Variants in CCDC148 observed in about 807,000 individuals in gnomAD.
CCDC148 encodes coiled-coil domain containing 148.
CCDC148 carries 89 observed loss-of-function variants against 85.7 expected under a neutral mutation model. The observed-to-expected ratio is 1.04, with a 90% CI of 0.87 to 1.24. CCDC148 has a LOEUF of 1.24. Among genes scored for constraint, CCDC148 ranks in the 50% most tolerant of loss-of-function variants. CCDC148 has a pLI of 0.00. For synonymous variants in CCDC148, 230 were observed against 213.9 expected, an observed-to-expected ratio of 1.08 and a Z score of -0.66; for missense variants, 692 against 671.7, an observed-to-expected ratio of 1.03 and a Z score of -0.33.
intron 10 of CCDC148, among the ~76,000 whole-genome samples, chr2:158,246,805 CT>C (rs1260351448): frequency 1.3e-5 from 2 of 152,188 alleles, no homozygotes; most frequent in Non-Finnish European, 2.9e-5. Context: ...CAGACCAGTG[CT>C]GTGCACTAGC....
intron 1 of CCDC148, among the ~76,000 whole-genome samples, chr2:158,383,962 C>G (rs1355696277): frequency 6.6e-6 from 1 of 152,164 alleles, no homozygotes; most frequent in Non-Finnish European, 1.5e-5. Context: ...GCTACTCAGT[C>G]TTTGACTTTC....
At chr2:158,269,383 G>A (rs999169490) in intron 9 of CCDC148, among the ~76,000 whole-genome samples, 8 of 152,098 alleles carry the variant, frequency 5.3e-5, no homozygotes, top group African/African-American at 1.4e-4. Flanking sequence ...GCAACCAGCT[G>A]CTCATAGGTA....
At position 158,308,936 on chromosome 2, in the gene CCDC148, G is replaced by C. The variant is rs193165364; in HGVS notation, c.1110+497C>G. 2.6e-5 allele frequency among the ~76,000 whole-genome samples: 4 copies of C among 152,298 alleles called. No homozygotes were observed. The East Asian group carries it at 7.7e-4, about 29-fold the overall frequency. ...AGCCCCGCTAGATATTTCTGGGTCT[G>C]AGGAGGAGGAAAACCCCATCCATTC... On this transcript the variant is annotated intron_variant, in intron 9 of 13. Transcript: ENST00000283233.
intron 2 of CCDC148, among the ~76,000 whole-genome samples, chr2:158,351,553 C>T (rs1205446740): frequency 6.6e-6 from 1 of 152,090 alleles, no homozygotes; most frequent in East Asian, 1.9e-4. Context: ...GATTATATCC[C>T]GCACCTGGCT....
chr2:158,438,522 C>A (rs1406476645), intron 1 of CCDC148, among the ~76,000 whole-genome samples: 1 of 152,084 alleles, frequency 6.6e-6, no homozygotes, highest in Non-Finnish European at 1.5e-5. Context: ...CATAAAAACC[C>A]TAGAAGAAAA....
intron 9 of CCDC148, among the ~76,000 whole-genome samples, chr2:158,264,920 T>A (rs1449483935): frequency 6.6e-6 from 1 of 152,160 alleles, no homozygotes; most frequent in Non-Finnish European, 1.5e-5. Context: ...TCATTTGTTT[T>A]ATGTTCAAGA....
intron 1 of CCDC148, among the ~76,000 whole-genome samples, chr2:158,430,664 T>G (rs1337331668): frequency 1.3e-5 from 2 of 152,310 alleles, no homozygotes; most frequent in Middle Eastern, 6.8e-3. Flanking sequence ...GTGATGTATA[T>G]TCCAGTTACC....
chr2:158,408,464 T>C (rs542499882), intron 1 of CCDC148, among the ~76,000 whole-genome samples: 1 of 152,268 alleles, frequency 6.6e-6, no homozygotes, highest in Admixed American at 6.5e-5. Context: ...ATTCCACATA[T>C]AAGTGAGATC....
chr2:158,347,662 G>A (rs1683060759), intron 2 of CCDC148, among the ~76,000 whole-genome samples: 1 of 151,948 alleles, frequency 6.6e-6, no homozygotes, highest in Non-Finnish European at 1.5e-5. Context: ...CAGAAACCAG[G>A]GGTTTCCTGT....
At chr2:158,257,376 TC>T (rs1354564776) in intron 9 of CCDC148, among the ~76,000 whole-genome samples, 1 of 151,888 alleles carries the variant, frequency 6.6e-6, no homozygotes, top group African/African-American at 2.4e-5. Flanking sequence ...CTTTAAATTT[TC>T]ATTTTATTAA....
chr2:158,181,872 G>A (rs1558962426), intron 11 of CCDC148, among the ~76,000 whole-genome samples: 1 of 151,822 alleles, frequency 6.6e-6, no homozygotes. Context: ...TATGCAGGAT[G>A]GGTTGTTGGG....
At chr2:158,403,402 C>T (rs954602488) in intron 1 of CCDC148, among the ~76,000 whole-genome samples, 1 of 152,114 alleles carries the variant, frequency 6.6e-6, no homozygotes, top group East Asian at 1.9e-4. Context: ...CAGACACCTT[C>T]TCCAGAAGGC....
intron 3 of CCDC148, among the ~76,000 whole-genome samples, chr2:158,342,340 G>C (rs1171699969): frequency 6.6e-6 from 1 of 151,862 alleles, no homozygotes; most frequent in Non-Finnish European, 1.5e-5. Context: ...ACAAGGTTTT[G>C]GTTTTTGTTT....
At position 158,410,498 on chromosome 2, in the gene CCDC148, T is replaced by C. The variant is rs79942021; in HGVS notation, c.25+45917A>G. On this transcript the variant is annotated intron_variant, in intron 1 of 13. Coordinates refer to ENST00000283233, the MANE Select transcript of CCDC148 (RefSeq NM_138803.4). ...TTGTAGTAATTTGGTTTGATCCTTC[T>C]CTCATATCTTTTGTGTATCAATTAT... Among the ~76,000 whole-genome samples, 821 of 152,298 alleles carry C rather than the reference T, an allele frequency of 5.4e-3. 9 individuals are homozygous for C. The highest frequency in any genetic ancestry group is 0.019 in the African/African-American group (771 of 41,558).
At chr2:158,358,595 T>C in intron 1 of CCDC148, 25 bp from the exon 2 acceptor site, 1 of 1,478,634 alleles carries the variant, frequency 6.8e-7, no homozygotes, top group Non-Finnish European at 9.1e-7. Context: ...AATAGAAAAA[T>C]GACAAAGAAA....
At chr2:158,275,585 T>A (rs1010930441) in intron 9 of CCDC148, among the ~76,000 whole-genome samples, 1 of 152,106 alleles carries the variant, frequency 6.6e-6, no homozygotes. Context: ...CTTTTTGGAG[T>A]CTCTTTCTTT....
rs181107407 is a variant in CCDC148 at position 158,401,206 on chromosome 2, T to C, written c.26-42636A>G. ...CCCAGCAATCCCATTACTGGGTATA[T>C]ACCCAAACGATTATAAATCATTCTA... is the stretch of plus-strand genomic sequence containing the variant. On this transcript the variant is annotated intron_variant, in intron 1 of 13. Coordinates refer to ENST00000283233, the MANE Select transcript of CCDC148 (RefSeq NM_138803.4). 1.7e-3 allele frequency among the ~76,000 whole-genome samples: 261 copies of C among 152,310 alleles called. 1 individual carries two copies. The highest frequency in any genetic ancestry group is 5.9e-3 in the African/African-American group (247 of 41,574).
At chr2:158,312,510 A>C (rs1351976984) in intron 8 of CCDC148, among the ~76,000 whole-genome samples, 1 of 128,426 alleles carries the variant, frequency 7.8e-6, no homozygotes, top group Non-Finnish European at 1.6e-5. Context: ...TGAACCCAGG[A>C]GGGGGAGGTT....
chr2:158,338,666 C>T (rs1682511511), intron 7 of CCDC148, 60 bp downstream of exon 7: 20 of 1,287,756 alleles, frequency 1.6e-5, no homozygotes, highest in Middle Eastern at 2.7e-4. Context: ...ATAGTGATCC[C>T]AAACAAAAAT....
Sources: allele counts gnomAD v4.1 joint callset (sites outside exome capture counted in the v4.1 genomes callset), GRCh38; gene constraint gnomAD v4.1.1; transcripts MANE v1.5; gene names NCBI Gene and HGNC (gene_info 2026-07-23, HGNC 2026-07-21).